ATG7: variants seen among roughly 807,000 people sequenced by gnomAD.
ATG7 encodes the protein autophagy related 7.
Under a neutral mutation model 82.4 loss-of-function variants are expected in ATG7, and 70 were observed. That is an observed-to-expected ratio of 0.85 (90% CI 0.70 to 1.04). ATG7 has a LOEUF of 1.04. ATG7 is among the 50% of genes least tolerant of loss of function. The pLI, the probability that ATG7 is intolerant of heterozygous loss-of-function variation, is 0.00. For missense variants in ATG7, 792 were observed against 864.3 expected (o/e 0.92, Z 1.05); for synonymous variants, 287 against 313.0 (o/e 0.92, Z 0.88).
chr3:11,455,589 G>A (rs568521055), intron 20 of ATG7, among the ~76,000 whole-genome samples: 106 of 152,284 alleles, frequency 7.0e-4, no homozygotes, highest in African/African-American at 2.3e-3. Context: ...ACAACTGATC[G>A]TGAGCTTGTC....
intron 20 of ATG7, among the ~76,000 whole-genome samples, chr3:11,463,914 G>C (rs1161224914): frequency 6.6e-6 from 1 of 152,134 alleles, no homozygotes; most frequent in Non-Finnish European, 1.5e-5. Flanking sequence ...TGGTTGGTGT[G>C]GGGGAAAAAG....
chr3:11,507,192 G>T (rs1011482840), intron 20 of ATG7, among the ~76,000 whole-genome samples: 1 of 152,000 alleles, frequency 6.6e-6, no homozygotes, highest in Admixed American at 6.5e-5. Context: ...TGAGGCAGGA[G>T]AATCGCTTGA....
chr3:11,424,888 CT>C (rs1164712606), intron 19 of ATG7, among the ~76,000 whole-genome samples: 1 of 152,090 alleles, frequency 6.6e-6, no homozygotes, highest in Non-Finnish European at 1.5e-5. Context: ...CTAGATATTG[CT>C]TTTTAAATAT....
intron 19 of ATG7, among the ~76,000 whole-genome samples, chr3:11,411,278 A>G (rs2080865601): frequency 6.6e-6 from 1 of 152,078 alleles, no homozygotes; most frequent in South Asian, 2.1e-4. Flanking sequence ...GCCCATTTTT[A>G]AACTTGGTTG....
chr3:11,377,324 A>G (rs139792582), intron 18 of ATG7, among the ~76,000 whole-genome samples: 10 of 152,308 alleles, frequency 6.6e-5, no homozygotes, highest in African/African-American at 2.2e-4. Context: ...ATTTTCTGGG[A>G]AAATAAATCT....
chr3:11,505,820 A>G (rs1457530839), intron 20 of ATG7, among the ~76,000 whole-genome samples: 1 of 152,208 alleles, frequency 6.6e-6, no homozygotes, highest in Non-Finnish European at 1.5e-5. Context: ...AGTGCTCGCC[A>G]TTGGTCTTTT....
chr3:11,273,966 C>G (rs938220938), intron 1 of ATG7, among the ~76,000 whole-genome samples: 2 of 152,156 alleles, frequency 1.3e-5, no homozygotes, highest in Admixed American at 1.3e-4. Flanking sequence ...TGTTGCTAAA[C>G]TGCTTTCCCA....
chr3:11,362,181 A>G (rs538516084), intron 16 of ATG7, among the ~76,000 whole-genome samples: 3 of 152,324 alleles, frequency 2.0e-5, no homozygotes, highest in South Asian at 2.1e-4. Context: ...AAATATCTCT[A>G]ACAACCTCTT....
intron 19 of ATG7, among the ~76,000 whole-genome samples, chr3:11,398,797 G>C (rs1415051570): frequency 1.3e-5 from 2 of 152,330 alleles, no homozygotes; most frequent in East Asian, 3.9e-4. Flanking sequence ...CTTATAGTGA[G>C]CTCTGATCAT....
At chr3:11,530,543 C>T (rs1427844679) in intron 20 of ATG7, among the ~76,000 whole-genome samples, 3 of 152,164 alleles carry the variant, frequency 2.0e-5, no homozygotes, top group Non-Finnish European at 2.9e-5. Context: ...TCTTTCCAGT[C>T]GGCACCCATT....
intron 20 of ATG7, among the ~76,000 whole-genome samples, chr3:11,502,050 T>TTA (rs927048776): frequency 1.4e-5 from 2 of 138,506 alleles, no homozygotes; most frequent in African/African-American, 2.7e-5. Flanking sequence ...ACACATATGT[T>TTA]TATATATATG....
chr3:11,462,738 C>G (rs2086439376), intron 20 of ATG7, among the ~76,000 whole-genome samples: 1 of 152,050 alleles, frequency 6.6e-6, no homozygotes, highest in Non-Finnish European at 1.5e-5. Flanking sequence ...CTCGCCACCC[C>G]CCCAGGGGCA....
At chr3:11,286,030 A>G (rs933603242) in intron 3 of ATG7, among the ~76,000 whole-genome samples, 17 of 152,134 alleles carry the variant, frequency 1.1e-4, no homozygotes, top group African/African-American at 4.1e-4. Context: ...CATTTTGTAG[A>G]ATGTTTTTCA....
chr3:11,275,243 A>T (rs758064595), intron 1 of ATG7, among the ~76,000 whole-genome samples: 1 of 152,178 alleles, frequency 6.6e-6, no homozygotes, highest in Admixed American at 6.5e-5. Flanking sequence ...TAGTGTCTCT[A>T]ATAGATTAAC....
intron 10 of ATG7, among the ~76,000 whole-genome samples, chr3:11,332,215 A>G (rs1951755287): frequency 6.6e-6 from 1 of 152,190 alleles, no homozygotes; most frequent in Non-Finnish European, 1.5e-5. Flanking sequence ...TGAGTGAACT[A>G]TTAATACAGA....
chr3:11,283,740 C>A (rs1391784629), intron 3 of ATG7, among the ~76,000 whole-genome samples: 1 of 152,070 alleles, frequency 6.6e-6, no homozygotes, highest in African/African-American at 2.4e-5. Flanking sequence ...GAGTTTGAGA[C>A]CAGCCTGGCC....
At chr3:11,351,363 C>T (rs944223587) in intron 14 of ATG7, among the ~76,000 whole-genome samples, 1 of 152,164 alleles carries the variant, frequency 6.6e-6, no homozygotes, top group Non-Finnish European at 1.5e-5. Context: ...CTTGAGAAAA[C>T]AAACCCCTGA....
In ATG7 at chr3:11,342,272, C is replaced by A. The variant is rs769997440; in HGVS notation, c.1118C>A (p.Thr373Lys). The change falls in exon 13 of 21, where the codon ACG becomes AAG. Residue 373 changes from threonine to lysine, a missense_variant. Transcript: ENST00000693202. ...AGTLGCNVAR[T>K]LMGWGVRHIT... ...ACCTTGGGTTGCAATGTAGCTAGGACGTTGATGGTAAGTCGGAGGTGGGGG... is the reference window on the plus strand; with the variant it reads ...ACCTTGGGTTGCAATGTAGCTAGGAAGTTGATGGTAAGTCGGAGGTGGGGG... The A allele has an allele frequency of 1.2e-6, 2 of 1,612,054 alleles. No individual in the cohort carries two copies. Among genetic ancestry groups the A allele is most frequent in the East Asian group, 2.2e-5 (1 of 44,740 alleles).
the ATG7 span, chr3:11,564,755 GC>G: frequency 6.5e-7 from 1 of 1,528,494 alleles, no homozygotes. Context: ...CAGTCCCCCA[GC>G]CCCTGGACTC....
Sources: allele counts gnomAD v4.1 joint callset (sites outside exome capture counted in the v4.1 genomes callset), GRCh38; gene constraint gnomAD v4.1.1; transcripts MANE v1.5; gene names NCBI Gene and HGNC (gene_info 2026-07-23, HGNC 2026-07-21).